Variants in NISCH observed in about 807,000 individuals in gnomAD.
NISCH encodes I-1 receptor candidate protein.
NISCH carries 55 observed loss-of-function variants against 138.4 expected under a neutral mutation model. The observed-to-expected ratio is 0.40, with a 90% CI of 0.32 to 0.50. The LOEUF is 0.50. Among genes scored for constraint, NISCH ranks in the 20% least tolerant of loss-of-function variants. NISCH has a pLI of 0.71. For synonymous variants in NISCH, 860 were observed against 861.5 expected (o/e 1.00, Z 0.03); for missense variants, 1,643 against 2,005.5 (o/e 0.82, Z 3.45).
rs772946305 is a variant in NISCH, at chr3:52,489,587, C to T, written c.3365C>T (p.Pro1122Leu). ...IQATSEENQI[P>L]SHLPACPSLR... ...GCCACCTCGGAGGAGAATCAGATCC[C>T]CTCGCACTTGCCTGCCTGCCCGTCG... is the stretch of plus-strand genomic sequence containing the variant. The change falls in exon 17 of 21, where the codon CCC (proline) becomes CTC (leucine). Residue 1122 changes from proline (P) to leucine (L), a missense_variant. By Grantham distance (98) the Pro-to-Leu change is moderately conservative (BLOSUM62 -3). Transcript: ENST00000345716. The T allele has an allele frequency of 6.2e-7, 1 of 1,613,224 alleles. No individual in the cohort carries two copies. The highest frequency in any genetic ancestry group is 8.5e-7 in the Non-Finnish European group (1 of 1,179,986).
chr3:52,480,524 C>T lies in NISCH; in HGVS notation c.1528+229C>T, dbSNP rs925128716. 4.1e-5 allele frequency: 61 copies of T among 1,504,308 alleles called. No homozygotes were observed. The Middle Eastern group carries it at 6.8e-4, about 17-fold the overall frequency. The allele number at this position is 1,504,308 out of a possible 1,614,324, so 93.2% of individuals were successfully genotyped here. ...GAGGACTCCCAATTGCTCTGATGCC[C>T]ACATCCAGCTCCTCTAGGAGACCGC... On this transcript the variant is annotated intron_variant, in intron 13 of 20. Coordinates refer to ENST00000345716, the MANE Select transcript of NISCH (RefSeq NM_007184.4).
intron 17 of NISCH, 147 bp from the exon 18 acceptor site, chr3:52,489,928 C>T: frequency 2.4e-6 from 3 of 1,224,832 alleles, no homozygotes; most frequent in South Asian, 3.0e-5. Flanking sequence ...ATCTCCCACC[C>T]CTCTCTTCCT....
At chr3:52,478,655 T>C in intron 11 of NISCH, 78 bp downstream of exon 11, 1 of 1,354,938 alleles carries the variant, frequency 7.4e-7, no homozygotes, top group Non-Finnish European at 1.1e-6. Flanking sequence ...TAGGGGGATA[T>C]ATGTCCATTG....
intron 3 of NISCH, among the ~76,000 whole-genome samples, chr3:52,461,492 T>G (rs1445035542): frequency 1.3e-5 from 2 of 152,200 alleles, no homozygotes; most frequent in African/African-American, 4.8e-5. Flanking sequence ...ATTTTTATAC[T>G]TTCTTATGTG....
At chr3:52,480,859 G>A (rs758771343) in intron 13 of NISCH, 1 of 1,534,746 alleles carries the variant, frequency 6.5e-7, no homozygotes, top group Non-Finnish European at 8.7e-7. Flanking sequence ...TTTTCAAAGG[G>A]CTTTCACCTC....
At chr3:52,483,990 C>A (rs1225233876) in intron 13 of NISCH, among the ~76,000 whole-genome samples, 1 of 152,210 alleles carries the variant, frequency 6.6e-6, no homozygotes, top group Non-Finnish European at 1.5e-5. Context: ...GCTTGCCTTT[C>A]TTTGTGTACT....
chr3:52,468,822 T>C (rs1332842374), intron 3 of NISCH, among the ~76,000 whole-genome samples: 1 of 152,090 alleles, frequency 6.6e-6, no homozygotes, highest in Non-Finnish European at 1.5e-5. Context: ...AATAAACACA[T>C]TTTTTAAAGA....
At chr3:52,471,147 C>T (rs1706934878) in intron 4 of NISCH, 2 of 561,756 alleles carry the variant, frequency 3.6e-6, no homozygotes, top group South Asian at 4.6e-5. Context: ...CACACTGCTC[C>T]CTCGCACCTG....
intron 2 of NISCH, among the ~76,000 whole-genome samples, chr3:52,458,240 A>G (rs956887212): frequency 2.0e-5 from 3 of 152,336 alleles, no homozygotes; most frequent in African/African-American, 4.8e-5. Context: ...AGCGATAGCT[A>G]TTCCAAAGCC....
rs1706444662 is a variant in NISCH, at chr3:52,455,713, G to A, written c.72G>A (p.Ser24=). The change falls in exon 1 of 21, where the codon TCG becomes TCA. Residue 24 remains serine, a synonymous_variant. Transcript: ENST00000345716. ...CCAAGGAAGCGCGCGTCGTGGGCTCGGAGCTTGTGGACACTTATACGGTGT... is the reference window on the plus strand; with the variant it reads ...CCAAGGAAGCGCGCGTCGTGGGCTCAGAGCTTGTGGACACTTATACGGTGT... ...EPAKEARVVG[S]ELVDTYTVYI... The A allele has an allele frequency of 7.3e-7, 1 of 1,367,284 alleles. No homozygotes were observed. Among genetic ancestry groups the A allele is most frequent in the Non-Finnish European group, 9.5e-7 (1 of 1,049,530 alleles). 84.7% of individuals were successfully genotyped at this position (1,367,284 alleles called of 1,614,324 possible).
chr3:52,463,583 A>C (rs377413432), intron 3 of NISCH, among the ~76,000 whole-genome samples: 1 of 151,964 alleles, frequency 6.6e-6, no homozygotes. Context: ...TATAGGTTCT[A>C]ATTTCCCCAC....
At chr3:52,463,627 T>A (rs987661960) in intron 3 of NISCH, among the ~76,000 whole-genome samples, 2 of 152,132 alleles carry the variant, frequency 1.3e-5, no homozygotes, top group African/African-American at 2.4e-5. Context: ...CATTTTTTTT[T>A]AAATCTTAGT....
At chr3:52,477,289 G>A (rs1559633435) in intron 8 of NISCH, among the ~76,000 whole-genome samples, 1 of 152,190 alleles carries the variant, frequency 6.6e-6, no homozygotes. Flanking sequence ...CAGGGTTGAA[G>A]AAGAACAGAC....
At chr3:52,491,664 C>T in intron 20 of NISCH, 151 bp downstream of exon 20, 2 of 1,066,302 alleles carry the variant, frequency 1.9e-6, no homozygotes, top group Admixed American at 2.8e-5. Flanking sequence ...TTTTCGATGG[C>T]AGAGTCTCCA....
Position 52,455,690 on chromosome 3 carries a change from A to G in NISCH, c.49A>G (p.Lys17Glu), listed in dbSNP as rs746893009. The G allele has an allele frequency of 7.3e-6, 10 of 1,365,274 alleles. No individual in the cohort carries two copies. Among genetic ancestry groups the G allele is most frequent in the Non-Finnish European group, 9.5e-6 (10 of 1,049,038 alleles). 84.6% of individuals were successfully genotyped at this position (1,365,274 alleles called of 1,614,324 possible). Residue 17 changes from lysine to glutamate, a missense_variant, in exon 1 of 21, where the codon AAG (lysine) becomes GAG (glutamate). By Grantham distance (56) the Lys-to-Glu change is moderately conservative (BLOSUM62 1). Transcript: ENST00000345716. ...GCCCGAGCGGGAAGCCGAGCCGGCC[A>G]AGGAAGCGCGCGTCGTGGGCTCGGA... The part of the protein sequence containing the change: ...FGPEREAEPA[K>E]EARVVGSELV...
rs1466753551 is a variant in NISCH at position 52,481,620 on chromosome 3, A to G, written c.1528+1325A>G. Reference sequence around the variant, plus strand: ...GCTTCTCAAGGCCAGGGACACAGCCATTTCTGCCAGCATCTGTTGATCAGT... The same window carrying G: ...GCTTCTCAAGGCCAGGGACACAGCCGTTTCTGCCAGCATCTGTTGATCAGT... On this transcript the variant is annotated intron_variant, in intron 13 of 20. Coordinates refer to ENST00000345716, the MANE Select transcript of NISCH (RefSeq NM_007184.4). 4.1e-6 allele frequency: 4 copies of G among 985,642 alleles called. No individual in the cohort carries two copies. The East Asian group carries it at 4.5e-4, about 112-fold the overall frequency. The allele number at this position is 985,642 out of a possible 1,614,324, so 61.1% of individuals were successfully genotyped here. A position where few individuals can be genotyped will look rare whatever the true frequency, so the allele number is the denominator to read the frequency against.
intron 11 of NISCH, 147 bp from the exon 12 acceptor site, chr3:52,479,602 A>C: frequency 4.6e-6 from 3 of 647,120 alleles, no homozygotes; most frequent in Non-Finnish European, 8.2e-6. Context: ...GGCCTGGCCC[A>C]CAGCAGGTGC....
chr3:52,478,316 TGTGCCTTGGTG>T, intron 10 of NISCH, 34 bp downstream of exon 10: 1 of 1,609,562 alleles, frequency 6.2e-7, no homozygotes. Context: ...TTGGGATTTC[TGTGCCTTGGTG>T]TGTATCATGT....
At chr3:52,490,456 G>C (rs1707532143) in intron 18 of NISCH, among the ~76,000 whole-genome samples, 1 of 152,214 alleles carries the variant, frequency 6.6e-6, no homozygotes, top group South Asian at 2.1e-4. Flanking sequence ...GACTGCTTGG[G>C]AACAGCCAGT....
Sources: gnomAD v4.1 joint callset for allele counts (sites outside exome capture counted in the v4.1 genomes callset) on GRCh38, gnomAD v4.1.1 for gene constraint, MANE v1.5 for transcripts, NCBI Gene and HGNC (gene_info 2026-07-23, HGNC 2026-07-21) for gene names.